The following KDM4C variants were observed in gnomAD, a reference collection of about 807,000 sequenced individuals.
KDM4C encodes the protein lysine-specific demethylase 4C.
In KDM4C, 81 loss-of-function variants were observed where a neutral mutation model predicts 129.3. The ratio of observed to expected loss-of-function variants is 0.63; its 90% CI spans 0.52 to 0.75. The LOEUF is 0.75. KDM4C is among the 30% of genes least tolerant of loss of function. The pLI, the probability that KDM4C is intolerant of heterozygous loss-of-function variation, is 0.00. For synonymous variants in KDM4C, 573 were observed against 456.1 expected, an observed-to-expected ratio of 1.26 and a Z score of -3.26; for missense variants, 1,457 against 1,304.0, an observed-to-expected ratio of 1.12 and a Z score of -1.81.
rs145744282 is a variant in KDM4C, at chr9:6,732,618, A to G, written c.49+11621A>G. Among the ~76,000 whole-genome samples, 1,498 of 152,260 alleles carry G rather than the reference A, an allele frequency of 9.8e-3. 27 individuals carry two copies. Among genetic ancestry groups the G allele is most frequent in the African/African-American group, 0.034 (1,429 of 41,558 alleles). ...TCATGCAGGGGAAGAGAATCAACAA[A>G]TGGTGAAGGTCACACAGGTATCAAC... On this transcript the variant is annotated intron_variant, in intron 1 of 17. Coordinates refer to the KDM4C transcript ENST00000536108.
rs1489133870 is a variant in KDM4C, at chr9:6,895,194, T to TA, written c.921+1963dup. On this transcript the variant is annotated intron_variant, in intron 8 of 21. Transcript: ENST00000381309. ...ACCACAAACTTTGTGTTTAGAACAA[T>TA]AGCCATTTATTATCTCATGGTTCTG... 2.6e-5 allele frequency among the ~76,000 whole-genome samples: 4 copies of TA among 152,220 alleles called. No individual in the cohort carries two copies. The East Asian group carries it at 7.7e-4, about 29-fold the overall frequency.
chr9:6,747,338 G>C (rs1018416343), intron 1 of KDM4C, among the ~76,000 whole-genome samples: 1 of 151,624 alleles, frequency 6.6e-6, no homozygotes, highest in Non-Finnish European at 1.5e-5. Context: ...GCGAGGTCAG[G>C]AGATCGAGAC....
chr9:7,053,805 G>A lies in KDM4C; in HGVS notation c.2424+4605G>A, dbSNP rs139481003. On this transcript the variant is annotated intron_variant, in intron 17 of 21. Coordinates refer to ENST00000381309, the MANE Select transcript of KDM4C (RefSeq NM_015061.6). ...TGCCCCAGCTAAAAAAATGCTACAG[G>A]TTGCTATCCAAAACTACCGGGTTAT... Among the ~76,000 whole-genome samples the A allele has an allele frequency of 4.8e-4, 73 of 152,248 alleles. 1 individual carries two copies. In the East Asian group the frequency reaches 0.013, roughly 26 times the overall value.
intron 19 of KDM4C, among the ~76,000 whole-genome samples, chr9:7,162,121 G>T (rs1405709016): frequency 3.3e-5 from 5 of 152,212 alleles, no homozygotes; most frequent in African/African-American, 1.2e-4. Flanking sequence ...GGTGAGAAAG[G>T]AGCTGTTATG....
At chr9:7,148,663 A>G (rs145066433) in intron 19 of KDM4C, among the ~76,000 whole-genome samples, 1 of 152,294 alleles carries the variant, frequency 6.6e-6, no homozygotes, top group African/African-American at 2.4e-5. Context: ...TGCGTCCAGG[A>G]AGAATGAGAT....
chr9:7,086,888 C>T (rs945874942), intron 17 of KDM4C, among the ~76,000 whole-genome samples: 2 of 152,182 alleles, frequency 1.3e-5, no homozygotes, highest in African/African-American at 4.8e-5. Flanking sequence ...GTCCCCTCTC[C>T]TTCACAGAGT....
chr9:7,046,453 C>G (rs180698860), intron 15 of KDM4C, among the ~76,000 whole-genome samples: 3 of 152,020 alleles, frequency 2.0e-5, no homozygotes, highest in African/African-American at 4.8e-5. Flanking sequence ...ATTAGCCACC[C>G]TGTATCCAGG....
intron 1 of KDM4C, among the ~76,000 whole-genome samples, chr9:6,769,556 C>G (rs1205988435): frequency 1.3e-5 from 2 of 152,106 alleles, no homozygotes; most frequent in Non-Finnish European, 2.9e-5. Flanking sequence ...TCACAGAGAA[C>G]TTTTAAGAAT....
intron 17 of KDM4C, among the ~76,000 whole-genome samples, chr9:7,064,006 C>T (rs1057193027): frequency 1.1e-4 from 16 of 152,146 alleles, no homozygotes; most frequent in Admixed American, 1.3e-4. Flanking sequence ...TTACAGCTAC[C>T]CTGCGCTTGG....
chr9:6,980,861 C>T (rs1291949133), intron 8 of KDM4C, 64 bp from the exon 9 acceptor site: 1 of 1,405,098 alleles, frequency 7.1e-7, no homozygotes, highest in East Asian at 2.3e-5. Context: ...TGTTCAAGGA[C>T]CAACTCTGTG....
At chr9:6,732,660 C>T (rs978529575) in intron 1 of KDM4C, among the ~76,000 whole-genome samples, 1 of 152,160 alleles carries the variant, frequency 6.6e-6, no homozygotes, top group African/African-American at 2.4e-5. Context: ...GTACTCACTT[C>T]CTAAACCGGG....
intron 3 of KDM4C, among the ~76,000 whole-genome samples, chr9:6,807,675 C>A (rs1014275014): frequency 6.8e-6 from 1 of 147,478 alleles, no homozygotes; most frequent in African/African-American, 2.5e-5. Flanking sequence ...GTGAGGAGCC[C>A]ATCCGCCCGG....
rs541202370 is a variant in KDM4C, at chr9:7,085,498, C to T, written c.2425-18187C>T. Among the ~76,000 whole-genome samples the T allele has an allele frequency of 1.2e-3, 178 of 152,230 alleles. 1 individual carries two copies. Among genetic ancestry groups the T allele is most frequent in the Non-Finnish European group, 2.0e-3 (136 of 68,022 alleles). ...TCTGTTGGTTAACCTGACTTTTACA[C>T]TGTAAAATACGGGGTCATGATGGCT... On this transcript the variant is annotated intron_variant, in intron 17 of 21. Transcript: ENST00000381309.
In KDM4C at chr9:7,165,229, A is replaced by G. The variant is rs766060574; in HGVS notation, c.2782-9A>G. On this transcript the variant is annotated splice_polypyrimidine_tract_variant and intron_variant, in intron 19 of 21. Transcript: ENST00000381309. ...CCTTTTGAAAAGCCTGTCTCTGTTTATTCTGCAGAGCCGAGACTGTCTGAA... is the reference window on the plus strand; with the variant it reads ...CCTTTTGAAAAGCCTGTCTCTGTTTGTTCTGCAGAGCCGAGACTGTCTGAA... The G allele has an allele frequency of 6.2e-7, 1 of 1,613,536 alleles. No homozygotes were observed. Among genetic ancestry groups the G allele is most frequent in the South Asian group, 1.1e-5 (1 of 90,928 alleles).
intron 5 of KDM4C, among the ~76,000 whole-genome samples, chr9:6,858,921 T>C (rs1207120366): frequency 3.9e-5 from 6 of 152,128 alleles, no homozygotes; most frequent in Admixed American, 2.6e-4. Context: ...ATGCATGCAA[T>C]TTAATATTTG....
intron 4 of KDM4C, among the ~76,000 whole-genome samples, chr9:6,846,625 A>C (rs1564148617): frequency 6.6e-6 from 1 of 152,218 alleles, no homozygotes; most frequent in Non-Finnish European, 1.5e-5. Flanking sequence ...TTAGCAAAAT[A>C]AATTACTTTT....
chr9:7,099,402 C>G (rs368977370), intron 17 of KDM4C, among the ~76,000 whole-genome samples: 2 of 152,188 alleles, frequency 1.3e-5, no homozygotes, highest in East Asian at 3.8e-4. Flanking sequence ...CTTCCTCAAT[C>G]CATTAGTAGC....
intron 5 of KDM4C, among the ~76,000 whole-genome samples, chr9:6,860,133 A>G (rs935022919): frequency 6.6e-6 from 1 of 152,206 alleles, no homozygotes; most frequent in African/African-American, 2.4e-5. Context: ...GGCATAAGAA[A>G]GATTTTCAGA....
chr9:6,774,563 G>T (rs1164569610), intron 1 of KDM4C, among the ~76,000 whole-genome samples: 1 of 152,106 alleles, frequency 6.6e-6, no homozygotes, highest in African/African-American at 2.4e-5. Flanking sequence ...TACTTGGGAG[G>T]CTGAAGCAGG....
Sources: allele counts gnomAD v4.1 joint callset (sites outside exome capture counted in the v4.1 genomes callset), GRCh38; gene constraint gnomAD v4.1.1; transcripts MANE v1.5; gene names NCBI Gene and HGNC (gene_info 2026-07-23, HGNC 2026-07-21).